SHISA9: variants seen among roughly 807,000 people sequenced by gnomAD.
SHISA9 encodes shisa family member 9.
SHISA9 carries 13 observed loss-of-function variants against 38.0 expected under a neutral mutation model. That is an observed-to-expected ratio of 0.34 (90% CI 0.22 to 0.54). The LOEUF (loss-of-function observed/expected upper bound fraction) is 0.54. SHISA9 is among the 20% of genes least tolerant of loss of function. The pLI is 0.91. For missense variants in SHISA9, 538 were observed against 575.8 expected, an observed-to-expected ratio of 0.93 and a Z score of 0.67; for synonymous variants, 275 against 242.0, an observed-to-expected ratio of 1.14 and a Z score of -1.27.
At chr16:13,211,437 A>G (rs992292020) in intron 3 of SHISA9, among the ~76,000 whole-genome samples, 1 of 152,206 alleles carries the variant, frequency 6.6e-6, no homozygotes, top group South Asian at 2.1e-4. Flanking sequence ...ATAATTTTAC[A>G]ATAGTGTGAT....
At chr16:13,168,836 A>G (rs1302235365) in intron 2 of SHISA9, among the ~76,000 whole-genome samples, 1 of 152,206 alleles carries the variant, frequency 6.6e-6, no homozygotes, top group African/African-American at 2.4e-5. Flanking sequence ...CACCTGTCTC[A>G]GCTCTTATTT....
the SHISA9 span, among the ~76,000 whole-genome samples, chr16:13,520,385 GT>G: frequency 6.6e-6 from 1 of 151,898 alleles, no homozygotes; most frequent in Non-Finnish European, 1.5e-5. Flanking sequence ...AGATCACGAG[GT>G]TGAGAGATCG....
chr16:13,011,885 G>A (rs1421493045), intron 2 of SHISA9, among the ~76,000 whole-genome samples: 5 of 151,906 alleles, frequency 3.3e-5, no homozygotes, highest in African/African-American at 1.2e-4. Flanking sequence ...GAGTACAGTG[G>A]CATGATCTCA....
At chr16:13,386,837 G>A in the SHISA9 span, among the ~76,000 whole-genome samples, 1 of 152,052 alleles carries the variant, frequency 6.6e-6, no homozygotes, top group African/African-American at 2.4e-5. Context: ...GTATTCCATG[G>A]TATGGTTATA....
the SHISA9 span, among the ~76,000 whole-genome samples, chr16:13,331,174 C>T: frequency 6.6e-6 from 1 of 151,908 alleles, no homozygotes; most frequent in African/African-American, 2.4e-5. Context: ...ACGAAGTGTC[C>T]CATAAATAGA....
At chr16:13,310,154 C>T in the SHISA9 span, among the ~76,000 whole-genome samples, 1 of 152,182 alleles carries the variant, frequency 6.6e-6, no homozygotes, top group Non-Finnish European at 1.5e-5. Context: ...TCCCATAGTG[C>T]TGGGATTACA....
At chr16:13,423,553 TAAAAC>T in the SHISA9 span, among the ~76,000 whole-genome samples, 1 of 152,160 alleles carries the variant, frequency 6.6e-6, no homozygotes. Flanking sequence ...AATATCCAAA[TAAAAC>T]AACTCATTTC....
chr16:13,002,125 C>T (rs1319536391), intron 2 of SHISA9, among the ~76,000 whole-genome samples: 1 of 152,178 alleles, frequency 6.6e-6, no homozygotes, highest in African/African-American at 2.4e-5. Flanking sequence ...ACAGCAATAA[C>T]ACTTGTGCCT....
chr16:13,334,143 C>A, the SHISA9 span, among the ~76,000 whole-genome samples: 1 of 152,256 alleles, frequency 6.6e-6, no homozygotes, highest in East Asian at 1.9e-4. Context: ...AAAGCAGATC[C>A]CTTTTCTCTC....
the SHISA9 span, among the ~76,000 whole-genome samples, chr16:13,262,845 T>C: frequency 6.6e-6 from 1 of 152,114 alleles, no homozygotes; most frequent in African/African-American, 2.4e-5. Flanking sequence ...TTGAGAGATA[T>C]AAAGCTAATT....
chr16:13,363,773 T>C, the SHISA9 span, among the ~76,000 whole-genome samples: 1 of 152,202 alleles, frequency 6.6e-6, no homozygotes, highest in East Asian at 1.9e-4. Flanking sequence ...TTTAAACTTT[T>C]GAGTTCCTTA....
chr16:13,364,747 C>A, the SHISA9 span, among the ~76,000 whole-genome samples: 35 of 152,160 alleles, frequency 2.3e-4, no homozygotes, highest in Non-Finnish European at 4.6e-4. Context: ...GGACGATAAT[C>A]ACTTCTTGAA....
At chr16:13,555,678 G>A in the SHISA9 span, among the ~76,000 whole-genome samples, 1 of 152,048 alleles carries the variant, frequency 6.6e-6, no homozygotes. Context: ...ATTTGTCATA[G>A]TGGAGCATAC....
chr16:13,117,973 G>A (rs1663906930), intron 2 of SHISA9, among the ~76,000 whole-genome samples: 1 of 152,118 alleles, frequency 6.6e-6, no homozygotes, highest in African/African-American at 2.4e-5. Flanking sequence ...CCTGAGATCA[G>A]AAGTTCGAGA....
rs1156705123 is a variant in SHISA9 at position 13,181,267 on chromosome 16, TTATATATATATATATATATA to T, written c.692-22100_692-22081del. The stretch of plus-strand genomic sequence containing the variant: ...AGAAAGTCTTTCCTAAAATAAAATT[TTATATATATATATATATATA>T]TATATATATATATATATATATATAT... On this transcript the variant is annotated intron_variant, in intron 2 of 4. Transcript: ENST00000558583. Among the ~76,000 whole-genome samples, 63 of 80,100 alleles carry T rather than the reference TTATATATATATATATATATA, an allele frequency of 7.9e-4. 1 individual carries two copies. The highest frequency in any genetic ancestry group is 2.2e-3 in the Admixed American group (15 of 6,878). The allele number at this position is 80,100 out of a possible 152,430, so 52.5% of individuals were successfully genotyped here.
intron 2 of SHISA9, among the ~76,000 whole-genome samples, chr16:13,035,469 A>G (rs2073044700): frequency 1.3e-5 from 2 of 152,148 alleles, no homozygotes; most frequent in African/African-American, 4.8e-5. Context: ...TTCAGAGTAA[A>G]GGGGACTTTC....
the SHISA9 span, among the ~76,000 whole-genome samples, chr16:13,280,117 C>CTTTTTTTTTTT: frequency 1.9e-3 from 196 of 102,756 alleles, no homozygotes; most frequent in Non-Finnish European, 2.3e-3. Context: ...CTCTCTTTCT[C>CTTTTTTTTTTT]TTTTTTTTTT....
At chr16:13,301,742 T>C in the SHISA9 span, among the ~76,000 whole-genome samples, 1 of 152,112 alleles carries the variant, frequency 6.6e-6, no homozygotes, top group Admixed American at 6.6e-5. Flanking sequence ...AGTGAATGAA[T>C]GAAGTTGGGA....
chr16:12,970,353 GTA>G (rs1229266909), intron 2 of SHISA9, among the ~76,000 whole-genome samples: 3,140 of 46,636 alleles, frequency 0.067, 203 homozygotes, highest in African/African-American at 0.14. Context: ...ACATATATGT[GTA>G]TATATATATA....
Sources: allele counts gnomAD v4.1 joint callset (sites outside exome capture counted in the v4.1 genomes callset), GRCh38; gene constraint gnomAD v4.1.1; transcripts MANE v1.5; gene names NCBI Gene and HGNC (gene_info 2026-07-23, HGNC 2026-07-21).